The following ACRV1 variants were observed in gnomAD, a reference collection of about 807,000 sequenced individuals.
The protein encoded by ACRV1 is acrosomal protein SP-10.
Under a neutral mutation model 29.2 loss-of-function variants are expected in ACRV1, and 17 were observed. That is an observed-to-expected ratio of 0.58 (90% CI 0.40 to 0.87). The LOEUF (loss-of-function observed/expected upper bound fraction) is 0.87, where lower values mean the gene tolerates loss of function less well. Among genes scored for constraint, ACRV1 ranks in the 40% least tolerant of loss-of-function variants. ACRV1 has a pLI of 0.00. For synonymous variants in ACRV1, 98 were observed against 111.6 expected, an observed-to-expected ratio of 0.88 and a Z score of 0.77; for missense variants, 294 against 316.0, an observed-to-expected ratio of 0.93 and a Z score of 0.53.
In ACRV1 at chr11:125,676,424, A is replaced by G. The variant is rs1942511253; in HGVS notation, c.608T>C (p.Leu203Pro). The change falls in exon 3 of 4, where the codon CTT becomes CCT. Residue 203 changes from leucine (L) to proline (P), a missense_variant. Transcript: ENST00000533904. ...AGTGATGCAGGTTCCCTCTCCACGAAGACATTTTCCTTGATCATTCATATA... is the reference window on the plus strand; with the variant it reads ...AGTGATGCAGGTTCCCTCTCCACGAGGACATTTTCCTTGATCATTCATATA... ...CAYMNDQGKC[L>P]RGEGTCITQN... 6.2e-7 allele frequency: 1 copy of G among 1,614,004 alleles called. No individual in the cohort carries two copies. Among genetic ancestry groups the G allele is most frequent in the African/African-American group, 1.3e-5 (1 of 74,902 alleles).
Position 125,678,155 on chromosome 11 carries a change from T to C in ACRV1, c.195A>G (p.Leu65=), listed in dbSNP as rs771600640. The C allele has an allele frequency of 1.2e-6, 2 of 1,614,154 alleles. No homozygotes were observed. The highest frequency in any genetic ancestry group is 3.3e-5 in the Admixed American group (2 of 60,022). ...CATGCTCACTGGAACCATGCTCACT[T>C]AAAGTGTTCAGGCCTGAAGAAGTCT... ...LYETSSGLNT[L]SEHGSSEHGS... Residue 65 remains leucine (L), a synonymous_variant, in exon 2 of 4, where the codon TTA becomes TTG. Coordinates refer to ENST00000533904, the MANE Select transcript of ACRV1 (RefSeq NM_001612.6).
At position 125,678,114 on chromosome 11, in the gene ACRV1, G is replaced by A; in HGVS notation, c.236C>T (p.Thr79Ile). 6.2e-7 allele frequency: 1 copy of A among 1,614,208 alleles called. No homozygotes were observed. ...GSSEHGSSKH[T>I]VAEHTSGEHA... ...TTCTCCAGAAGTGTGCTCGGCCACA[G>A]TGTGCTTGCTTGAACCATGCTCACT... Residue 79 changes from threonine to isoleucine, a missense_variant, in exon 2 of 4, where the codon ACT becomes ATT. Coordinates refer to ENST00000533904, the MANE Select transcript of ACRV1 (RefSeq NM_001612.6).
At chr11:125,674,427 C>T (rs1942382979) in intron 3 of ACRV1, among the ~76,000 whole-genome samples, 1 of 152,166 alleles carries the variant, frequency 6.6e-6, no homozygotes, top group South Asian at 2.1e-4. Context: ...TAATTTCAGG[C>T]TGAAGCATAA....
intron 3 of ACRV1, among the ~76,000 whole-genome samples, chr11:125,674,264 A>G (rs993072206): frequency 2.0e-5 from 3 of 152,382 alleles, no homozygotes; most frequent in East Asian, 3.9e-4. Context: ...CATGCAATGG[A>G]AAAACCATGT....
Position 125,677,811 on chromosome 11 carries a change from G to A in ACRV1, c.539C>T (p.Ser180Leu). 1 of 1,614,148 alleles carries A rather than the reference G, an allele frequency of 6.2e-7. No individual in the cohort carries two copies. The highest frequency in any genetic ancestry group is 8.5e-7 in the Non-Finnish European group (1 of 1,180,004). ...SGEQASGAPI[S>L]STSTGTILNC... ...ACATGGCTCACCTGTAGATGTGCTTGAAATTGGTGCACCTGAAGCCTGTTC... is the reference window on the plus strand; with the variant it reads ...ACATGGCTCACCTGTAGATGTGCTTAAAATTGGTGCACCTGAAGCCTGTTC... The change falls in exon 2 of 4, where the codon TCA becomes TTA. Residue 180 changes from serine to leucine, a missense_variant. Coordinates refer to ENST00000533904, the MANE Select transcript of ACRV1 (RefSeq NM_001612.6).
chr11:125,672,329 C>A lies in ACRV1; in HGVS notation c.*264G>T. Reference sequence around the variant, plus strand: ...GGGGAAAAAAAGGTCTGTCTTGAGCCTGTGTGCTTTAACCATGTGAAATTT... The same window carrying A: ...GGGGAAAAAAAGGTCTGTCTTGAGCATGTGTGCTTTAACCATGTGAAATTT... On this transcript the variant is annotated 3_prime_UTR_variant, in exon 4 of 4. Transcript: ENST00000533904. 1 of 378,194 alleles carries A rather than the reference C, an allele frequency of 2.6e-6. No individual in the cohort carries two copies. The highest frequency in any genetic ancestry group is 4.7e-6 in the Non-Finnish European group (1 of 210,676). 23.4% of individuals were successfully genotyped at this position (378,194 alleles called of 1,614,324 possible).
intron 3 of ACRV1, among the ~76,000 whole-genome samples, chr11:125,673,629 C>T (rs1399743765): frequency 6.6e-6 from 1 of 152,196 alleles, no homozygotes; most frequent in Non-Finnish European, 1.5e-5. Context: ...AACCGATGAT[C>T]ACCTCCATGC....
chr11:125,679,972 A>G (rs1942720252), intron 1 of ACRV1, among the ~76,000 whole-genome samples: 1 of 152,212 alleles, frequency 6.6e-6, no homozygotes, highest in African/African-American at 2.4e-5. Context: ...TAGAAAGGAG[A>G]CATAAAAAGC....
In ACRV1 at chr11:125,676,439, T is replaced by G; in HGVS notation, c.593A>C (p.Asp198Ala). 6.2e-7 allele frequency: 1 copy of G among 1,614,172 alleles called. No homozygotes were observed. Among genetic ancestry groups the G allele is most frequent in the Non-Finnish European group, 8.5e-7 (1 of 1,180,010 alleles). Reference sequence around the variant, plus strand: ...CTCTCCACGAAGACATTTTCCTTGATCATTCATATAAGCACATGTGTAGCA... The same window carrying G: ...CTCTCCACGAAGACATTTTCCTTGAGCATTCATATAAGCACATGTGTAGCA... Reference protein sequence around the residue: ...LNCYTCAYMNDQGKCLRGEGT... With the variant: ...LNCYTCAYMNAQGKCLRGEGT... The change falls in exon 3 of 4, where the codon GAT (aspartate) becomes GCT (alanine). Residue 198 changes from aspartate (D) to alanine (A), a missense_variant. Coordinates refer to ENST00000533904, the MANE Select transcript of ACRV1 (RefSeq NM_001612.6).
chr11:125,674,758 T>TA (rs1393067861), intron 3 of ACRV1, among the ~76,000 whole-genome samples: 3 of 152,198 alleles, frequency 2.0e-5, no homozygotes, highest in South Asian at 2.1e-4. Context: ...GATTAAATGA[T>TA]AAAGGGTATT....
rs193921098 is a variant in ACRV1 at position 125,676,409 on chromosome 11, G to C, written c.623C>G (p.Thr208Ser). Residue 208 changes from threonine (T) to serine (S), a missense_variant, in exon 3 of 4, where the codon ACC becomes AGC. Transcript: ENST00000533904. ...CTGCTGGGAATTCTGAGTGATGCAGGTTCCCTCTCCACGAAGACATTTTCC... is the reference window on the plus strand; with the variant it reads ...CTGCTGGGAATTCTGAGTGATGCAGCTTCCCTCTCCACGAAGACATTTTCC... ...DQGKCLRGEG[T>S]CITQNSQQCM... The C allele has an allele frequency of 4.3e-6, 7 of 1,614,074 alleles. No homozygotes were observed. Among genetic ancestry groups the C allele is most frequent in the Middle Eastern group, 1.6e-4 (1 of 6,062 alleles).
intron 1 of ACRV1, among the ~76,000 whole-genome samples, chr11:125,678,954 TAAA>T (rs1171041691): frequency 1.2e-5 from 1 of 83,026 alleles, no homozygotes; most frequent in Non-Finnish European, 2.6e-5. Context: ...GCTATTAAGG[TAAA>T]AAAAAAAAAG....
At chr11:125,675,156 T>C (rs1484654085) in intron 3 of ACRV1, among the ~76,000 whole-genome samples, 1 of 152,234 alleles carries the variant, frequency 6.6e-6, no homozygotes, top group Non-Finnish European at 1.5e-5. Context: ...TTTTTTAAAG[T>C]TGCTCAGGTG....
At position 125,672,497 on chromosome 11, in the gene ACRV1, G is replaced by A. The variant is rs1942239561; in HGVS notation, c.*96C>T. On this transcript the variant is annotated 3_prime_UTR_variant, in exon 4 of 4. Coordinates refer to ENST00000533904, the MANE Select transcript of ACRV1 (RefSeq NM_001612.6). Reference sequence around the variant, plus strand: ...GCTCAGGCAGAGGCAGATGTGGTCAGTTGTTGACTGGGGAAGGAACTAAAT... The same window carrying A: ...GCTCAGGCAGAGGCAGATGTGGTCAATTGTTGACTGGGGAAGGAACTAAAT... The A allele has an allele frequency of 1.4e-6, 2 of 1,460,258 alleles. No individual in the cohort carries two copies. The highest frequency in any genetic ancestry group is 3.7e-5 in the Admixed American group (2 of 53,890). The allele number at this position is 1,460,258 out of a possible 1,614,324, so 90.5% of individuals were successfully genotyped here.
At chr11:125,673,175 C>A (rs999035553) in intron 3 of ACRV1, among the ~76,000 whole-genome samples, 2 of 150,074 alleles carry the variant, frequency 1.3e-5, no homozygotes, top group East Asian at 4.0e-4. Context: ...TCTTTGCTTG[C>A]ACATCATACT....
At chr11:125,672,830 T>C in intron 3 of ACRV1, 113 bp from the exon 4 acceptor site, 1 of 1,301,318 alleles carries the variant, frequency 7.7e-7, no homozygotes, top group South Asian at 1.7e-5. Flanking sequence ...CACTTGTCCA[T>C]TATCCCTTCT....
intron 2 of ACRV1, among the ~76,000 whole-genome samples, chr11:125,677,589 T>C (rs541394901): frequency 6.6e-6 from 1 of 152,306 alleles, no homozygotes; most frequent in South Asian, 2.1e-4. Context: ...ATTTTTCTTA[T>C]AGAGGGCCCT....
At chr11:125,679,980 A>C (rs1591440650) in intron 1 of ACRV1, among the ~76,000 whole-genome samples, 1 of 152,372 alleles carries the variant, frequency 6.6e-6, no homozygotes, top group East Asian at 1.9e-4. Context: ...AGACATAAAA[A>C]GCATGCTAAT....
intron 1 of ACRV1, 52 bp downstream of exon 1, chr11:125,680,677 T>A: frequency 1.3e-6 from 2 of 1,528,090 alleles, no homozygotes; most frequent in Non-Finnish European, 1.8e-6. Context: ...GCCTGAAATG[T>A]CTTAAGGGAG....
Sources: gnomAD v4.1 joint callset for allele counts (sites outside exome capture counted in the v4.1 genomes callset) on GRCh38, gnomAD v4.1.1 for gene constraint, MANE v1.5 for transcripts, NCBI Gene and HGNC (gene_info 2026-07-23, HGNC 2026-07-21) for gene names.